PCDHGB3: variants seen among roughly 807,000 people sequenced by gnomAD.
The protein encoded by PCDHGB3 is protocadherin gamma subfamily B, 3.
In PCDHGB3, 40 loss-of-function variants were observed where a neutral mutation model predicts 59.2. The observed-to-expected ratio is 0.68, with a 90% CI of 0.52 to 0.88. The LOEUF is 0.88. Ranked by LOEUF, PCDHGB3 falls within the 40% of genes least tolerant of loss-of-function variation. The pLI is 0.00. For missense variants in PCDHGB3, 1,309 were observed against 1,187.9 expected (o/e 1.10, Z -1.50); for synonymous variants, 581 against 503.6 (o/e 1.15, Z -2.06).
In PCDHGB3 at chr5:141,371,044, G is replaced by C; in HGVS notation, c.650G>C (p.Gly217Ala). Residue 217 changes from glycine to alanine, a missense_variant, in exon 1 of 4, where the codon GGG (glycine) becomes GCG (alanine). Coordinates refer to ENST00000576222, the MANE Select transcript of PCDHGB3 (RefSeq NM_018924.5). ...CACCTGGTCCTCACAGCTGTGGATG[G>C]GGGCGAGCCCTCCAGAAGCTGTACC... ...HHHLVLTAVDGGEPSRSCTTQ... is the reference protein window; with the variant it reads ...HHHLVLTAVDAGEPSRSCTTQ... 1 of 1,613,964 alleles carries C rather than the reference G, an allele frequency of 6.2e-7. No individual in the cohort carries two copies. Among genetic ancestry groups the C allele is most frequent in the Admixed American group, 1.7e-5 (1 of 60,026 alleles).
At chr5:141,423,026 G>A in intron 1 of PCDHGB3, 2 of 1,614,210 alleles carry the variant, frequency 1.2e-6, no homozygotes, top group African/African-American at 1.3e-5. Flanking sequence ...AAAGATTCAG[G>A]CCAGAACGCC....
chr5:141,415,020 C>T, intron 1 of PCDHGB3: 2 of 1,613,560 alleles, frequency 1.2e-6, no homozygotes, highest in Non-Finnish European at 1.7e-6. Context: ...TGCTCAAGGC[C>T]AGCGAGCCGG....
In PCDHGB3 at chr5:141,491,463, C is replaced by CT. The variant is rs765984397; in HGVS notation, c.2416-3343dup. The CT allele has an allele frequency of 6.2e-7, 1 of 1,614,112 alleles. No homozygotes were observed. Among genetic ancestry groups the CT allele is most frequent in the Non-Finnish European group, 8.5e-7 (1 of 1,180,010 alleles). ...GCCAGGACTCACCCTCCCCGGACTT[C>CT]TATAAGCAGTCCAGCCCCAACCTGC... On this transcript the variant is annotated intron_variant, in intron 1 of 3. Coordinates refer to ENST00000576222, the MANE Select transcript of PCDHGB3 (RefSeq NM_018924.5). This position sits in a 1 kb window ranked among gnomAD's most constrained non-coding sequence, Gnocchi z 6.9.
intron 1 of PCDHGB3, chr5:141,390,448 A>C (rs1023664408): frequency 3.5e-6 from 3 of 845,190 alleles, no homozygotes; most frequent in Non-Finnish European, 5.4e-6. Context: ...ACAAAGGAGG[A>C]GTAAAGTAGG....
At chr5:141,409,988 GCCGACT>G in intron 1 of PCDHGB3, 1 of 1,613,278 alleles carries the variant, frequency 6.2e-7, no homozygotes, top group East Asian at 2.2e-5. Context: ...AGCGGTGGAC[GCCGACT>G]CGGGACACAA....
chr5:141,444,280 T>C (rs1217749098), intron 1 of PCDHGB3, among the ~76,000 whole-genome samples: 1 of 147,614 alleles, frequency 6.8e-6, no homozygotes, highest in East Asian at 2.1e-4. Context: ...CAAGTGATTC[T>C]CCTGCCTCAG....
intron 1 of PCDHGB3, chr5:141,441,678 G>A (rs952726158): frequency 3.4e-6 from 1 of 292,424 alleles, no homozygotes; most frequent in Non-Finnish European, 6.7e-6. Flanking sequence ...GTGCGCCTTC[G>A]ACCAAGAGCA....
intron 1 of PCDHGB3, 72 bp from the exon 2 acceptor site, chr5:141,494,735 A>C: frequency 6.2e-7 from 1 of 1,610,712 alleles, no homozygotes; most frequent in Middle Eastern, 1.7e-4. Context: ...CTCCCGGCCC[A>C]TCCCTAGGGG....
At chr5:141,378,368 C>A (rs1774846187) in intron 1 of PCDHGB3, 1 of 152,194 alleles carries the variant, frequency 6.6e-6, no homozygotes, top group Non-Finnish European at 1.5e-5. Context: ...ACTAAAAATA[C>A]AAAAATTAGC....
intron 1 of PCDHGB3, chr5:141,422,201 G>T (rs764621323): frequency 1.9e-6 from 3 of 1,562,386 alleles, no homozygotes; most frequent in Admixed American, 2.0e-5. Flanking sequence ...GGCCAAGATG[G>T]TGGAGGTCTC....
intron 1 of PCDHGB3, chr5:141,400,466 C>T: frequency 6.2e-7 from 1 of 1,614,024 alleles, no homozygotes; most frequent in Non-Finnish European, 8.5e-7. Context: ...TGTGGTGATT[C>T]ATCTGGGGCC....
Position 141,370,600 on chromosome 5 carries a change from T to C in PCDHGB3, c.206T>C (p.Ile69Thr). ...TTACCTACTAGGAACCTGCGGGTTA[T>C]TGCAGAGAAGAAATTCTTTACCGTG... ...GDLPTRNLRV[I>T]AEKKFFTVSP... is the part of the protein sequence containing the mutation. The change falls in exon 1 of 4, where the codon ATT (isoleucine) becomes ACT (threonine). Residue 69 changes from isoleucine (I) to threonine (T), a missense_variant. Ile to Thr is a moderately conservative substitution (Grantham distance 89, BLOSUM62 -1). Transcript: ENST00000576222. 1 of 1,613,984 alleles carries C rather than the reference T, an allele frequency of 6.2e-7. No individual in the cohort carries two copies. The highest frequency in any genetic ancestry group is 2.2e-5 in the East Asian group (1 of 44,884).
intron 1 of PCDHGB3, chr5:141,421,898 A>T: frequency 6.2e-7 from 1 of 1,613,736 alleles, no homozygotes; most frequent in Non-Finnish European, 8.5e-7. Flanking sequence ...CCCATCCGAA[A>T]GGGCGCAGTT....
intron 1 of PCDHGB3, chr5:141,419,781 G>T: frequency 6.2e-7 from 1 of 1,614,032 alleles, no homozygotes; most frequent in Non-Finnish European, 8.5e-7. Context: ...GTCCGCCAGC[G>T]CCTGCTAGTC....
intron 1 of PCDHGB3, chr5:141,422,056 G>A: frequency 8.7e-6 from 14 of 1,611,934 alleles, no homozygotes; most frequent in Non-Finnish European, 1.2e-5. Flanking sequence ...AATCAACGGG[G>A]AAGTAATGTA....
intron 1 of PCDHGB3, chr5:141,404,621 G>T: frequency 6.2e-7 from 1 of 1,614,174 alleles, no homozygotes; most frequent in South Asian, 1.1e-5. Context: ...GGACCAGAAT[G>T]ACAATGCCCC....
At chr5:141,457,607 T>C (rs578113551) in intron 1 of PCDHGB3, among the ~76,000 whole-genome samples, 2 of 152,360 alleles carry the variant, frequency 1.3e-5, no homozygotes, top group African/African-American at 4.8e-5. Context: ...AAACTAATTA[T>C]GAATGAACTT....
At position 141,505,495 on chromosome 5, in the gene PCDHGB3, G is replaced by A. The variant is rs767547572; in HGVS notation, c.2563+14G>A. On this transcript the variant is annotated intron_variant, in intron 3 of 3. Transcript: ENST00000576222. ...CGTCCGCCAGTGGTAAGTGGTGTCA[G>A]TGTGTGTATGGAAGAGTGGGAGACC... The A allele has an allele frequency of 7.9e-5, 128 of 1,614,092 alleles. No homozygotes were observed. Among genetic ancestry groups the A allele is most frequent in the Non-Finnish European group, 1.0e-4 (123 of 1,180,008 alleles).
At chr5:141,389,564 G>A in intron 1 of PCDHGB3, 1 of 1,613,244 alleles carries the variant, frequency 6.2e-7, no homozygotes, top group East Asian at 2.2e-5. Context: ...CGCCACGGGT[G>A]CTGTACCCCG....
Sources: gnomAD v4.1 joint callset for allele counts (sites outside exome capture counted in the v4.1 genomes callset) on GRCh38, gnomAD v4.1.1 for gene constraint, Gnocchi (gnomAD v3.1) non-coding constraint, MANE v1.5 for transcripts, NCBI Gene and HGNC (gene_info 2026-07-23, HGNC 2026-07-21) for gene names.